The following ENO4 variants were observed in gnomAD, a reference collection of about 807,000 sequenced individuals.
ENO4 encodes 2-phospho-D-glycerate hydro-lyase.
In ENO4, 53 loss-of-function variants were observed where a neutral mutation model predicts 63.2. The observed-to-expected ratio is 0.84, with a 90% CI of 0.67 to 1.05. The LOEUF is 1.05. Among genes scored for constraint, ENO4 ranks in the 50% least tolerant of loss-of-function variants. ENO4 has a pLI of 0.00. For synonymous variants in ENO4, 266 were observed against 283.8 expected, an observed-to-expected ratio of 0.94 and a Z score of 0.63; for missense variants, 719 against 772.0, an observed-to-expected ratio of 0.93 and a Z score of 0.81.
At chr10:116,899,286 A>G (rs931997780) in intron 10 of ENO4, among the ~76,000 whole-genome samples, 7 of 152,236 alleles carry the variant, frequency 4.6e-5, no homozygotes, top group Non-Finnish European at 8.8e-5. Context: ...ATAAGGGGGA[A>G]TCAGAGCTTA....
chr10:116,908,348 T>C (rs1218717851), intron 10 of ENO4, among the ~76,000 whole-genome samples: 3 of 152,194 alleles, frequency 2.0e-5, no homozygotes, highest in Admixed American at 6.5e-5. Context: ...GCTTATTTTA[T>C]CATTAAAATC....
intron 1 of ENO4, among the ~76,000 whole-genome samples, chr10:116,853,294 C>CA (rs56885650): frequency 0.61 from 59,006 of 96,522 alleles, 17,626 homozygotes; most frequent in Middle Eastern, 0.72. Context: ...GACTCCGTCT[C>CA]AAAAAAAAAA....
At position 116,867,660 on chromosome 10, in the gene ENO4, T is replaced by C. The variant is rs73387534; in HGVS notation, c.991-990T>C. Among the ~76,000 whole-genome samples, 1,296 of 152,266 alleles carry C rather than the reference T, an allele frequency of 8.5e-3. 22 individuals carry two copies. Among genetic ancestry groups the C allele is most frequent in the African/African-American group, 0.029 (1,223 of 41,540 alleles). ...ATGTAACAGCTTATTCTTAGTAAGG[T>C]AGACAGAAAGATGTCACAGGTTGTT... is the stretch of plus-strand genomic sequence containing the variant. On this transcript the variant is annotated intron_variant, in intron 7 of 13. Transcript: ENST00000341276.
At chr10:116,900,894 G>C in intron 10 of ENO4, 1 of 985,358 alleles carries the variant, frequency 1.0e-6, no homozygotes, top group South Asian at 4.7e-5. Flanking sequence ...GAGAATGCAA[G>C]AGAGGAAGAA....
At chr10:116,886,680 C>A, downstream of ENO4, 1 of 1,403,054 alleles carries the variant, frequency 7.1e-7, no homozygotes, top group African/African-American at 1.4e-5. Flanking sequence ...GTCTAATCAA[C>A]ATGCATATAG....
chr10:116,909,973 T>A (rs180706371), intron 10 of ENO4, among the ~76,000 whole-genome samples: 2 of 152,302 alleles, frequency 1.3e-5, no homozygotes, highest in East Asian at 3.9e-4. Flanking sequence ...TTACATGCCA[T>A]GATTGTGAGG....
At chr10:116,904,121 T>C (rs1847865701) in intron 10 of ENO4, among the ~76,000 whole-genome samples, 3 of 152,210 alleles carry the variant, frequency 2.0e-5, no homozygotes. Flanking sequence ...TTCCTTTCTC[T>C]ACTTGTGACT....
At chr10:116,871,549 GTTAC>G (rs771710593) in intron 9 of ENO4, among the ~76,000 whole-genome samples, 28 of 152,034 alleles carry the variant, frequency 1.8e-4, no homozygotes, top group Non-Finnish European at 3.7e-4. Flanking sequence ...AGTAAAATGA[GTTAC>G]TTACATTGCA....
In ENO4 at chr10:116,871,185, G is replaced by C. The variant is rs1464485858; in HGVS notation, c.1108G>C (p.Glu370Gln). ...GCLTINCDSI[E>Q]QPLLLIQEIC... The stretch of plus-strand genomic sequence containing the variant: ...TTTAACCATTAACTGTGACTCCATA[G>C]AACAGCCACTGCTTCTAATACAGGA... Residue 370 changes from glutamate to glutamine, a missense_variant, in exon 9 of 14, where the codon GAA becomes CAA. Coordinates refer to ENST00000341276, the MANE Select transcript of ENO4 (RefSeq NM_001242699.2). The C allele has an allele frequency of 5.2e-6, 8 of 1,550,416 alleles. No homozygotes were observed. Among genetic ancestry groups the C allele is most frequent in the East Asian group, 2.4e-5 (1 of 40,906 alleles).
intron 10 of ENO4, chr10:116,901,610 TAGAATGAAA>T (rs1452027291): frequency 1.0e-6 from 1 of 985,198 alleles, no homozygotes; most frequent in African/African-American, 1.7e-5. Context: ...GCTAGGAGCC[TAGAATGAAA>T]AAGCTGGCCC....
At chr10:116,880,047 A>G in intron 13 of ENO4, 61 bp downstream of exon 13, 2 of 1,317,724 alleles carry the variant, frequency 1.5e-6, no homozygotes, top group South Asian at 2.6e-5. Context: ...AAAGATTGGA[A>G]GAGGGGGAAT....
intron 10 of ENO4, among the ~76,000 whole-genome samples, chr10:116,908,251 T>C (rs1848050087): frequency 6.6e-6 from 1 of 152,204 alleles, no homozygotes; most frequent in African/African-American, 2.4e-5. Context: ...GGCATATAAT[T>C]TTTTCCTTAG....
chr10:116,900,552 G>C, intron 10 of ENO4: 1 of 1,534,350 alleles, frequency 6.5e-7, no homozygotes, highest in Non-Finnish European at 8.7e-7. Context: ...TGTGTAAAAT[G>C]GTAAAGGAGA....
At chr10:116,884,308 G>A (rs1225854710), downstream of ENO4, 1 of 453,694 alleles carries the variant, frequency 2.2e-6, no homozygotes. Flanking sequence ...AAGTGAAAAG[G>A]GAAAAACTGT....
intron 8 of ENO4, among the ~76,000 whole-genome samples, chr10:116,870,442 A>G (rs967618744): frequency 2.6e-5 from 4 of 152,106 alleles, no homozygotes; most frequent in African/African-American, 9.7e-5. Context: ...AGACTTCAAG[A>G]CCAGCCTGGG....
At chr10:116,867,421 CA>C (rs35426438) in intron 7 of ENO4, among the ~76,000 whole-genome samples, 217 of 137,722 alleles carry the variant, frequency 1.6e-3, no homozygotes, top group African/African-American at 4.8e-3. Context: ...AAATATTTAC[CA>C]AAAAAAAAAA....
At chr10:116,865,427 C>T (rs1338553601) in intron 7 of ENO4, among the ~76,000 whole-genome samples, 7 of 152,024 alleles carry the variant, frequency 4.6e-5, no homozygotes, top group African/African-American at 9.7e-5. Flanking sequence ...CCTTGTGATC[C>T]GCCCGCCTCG....
downstream of ENO4, chr10:116,886,396 T>A (rs1331631349): frequency 1.3e-6 from 2 of 1,576,012 alleles, no homozygotes; most frequent in Non-Finnish European, 1.7e-6. Context: ...GTCTTCTTTG[T>A]TTTCTGGTTG....
chr10:116,890,427 T>C (rs776783858), intron 10 of ENO4, among the ~76,000 whole-genome samples: 10 of 152,202 alleles, frequency 6.6e-5, no homozygotes, highest in Non-Finnish European at 1.2e-4. Flanking sequence ...TAAATCAGCA[T>C]ACAACTTGTT....
Sources: gnomAD v4.1 joint callset for allele counts (sites outside exome capture counted in the v4.1 genomes callset) on GRCh38, gnomAD v4.1.1 for gene constraint, MANE v1.5 for transcripts, NCBI Gene and HGNC (gene_info 2026-07-23, HGNC 2026-07-21) for gene names.